AIMP1: variants seen among roughly 807,000 people sequenced by gnomAD.
AIMP1 encodes aminoacyl tRNA synthase complex-interacting multifunctional protein 1.
In AIMP1, 24 loss-of-function variants were observed where a neutral mutation model predicts 33.1. The ratio of observed to expected loss-of-function variants is 0.73; its 90% CI spans 0.53 to 1.02. AIMP1 has a LOEUF of 1.02. AIMP1 is among the 50% of genes least tolerant of loss of function. The pLI, the probability that AIMP1 is intolerant of heterozygous loss-of-function variation, is 0.00. For missense variants in AIMP1, 367 were observed against 364.8 expected (o/e 1.01, Z -0.05); for synonymous variants, 120 against 121.5 (o/e 0.99, Z 0.08).
chr4:106,342,948 A>G (rs1260705179), intron 6 of AIMP1, among the ~76,000 whole-genome samples: 1 of 140,702 alleles, frequency 7.1e-6, no homozygotes, highest in Non-Finnish European at 1.5e-5. Flanking sequence ...TCTGTAACCC[A>G]GGTTGGAGTG....
At chr4:106,336,592 C>T (rs1230430647) in intron 5 of AIMP1, among the ~76,000 whole-genome samples, 1 of 152,070 alleles carries the variant, frequency 6.6e-6, no homozygotes, top group Non-Finnish European at 1.5e-5. Flanking sequence ...AATTCAAAAC[C>T]AAGTCTGTTT....
At chr4:106,328,599 T>C (rs1769547375) in intron 4 of AIMP1, among the ~76,000 whole-genome samples, 1 of 152,168 alleles carries the variant, frequency 6.6e-6, no homozygotes, top group Non-Finnish European at 1.5e-5. Context: ...TTAGGACCAG[T>C]TGTGAAGATA....
upstream of AIMP1, chr4:106,316,342 G>C (rs1178010570): frequency 1.6e-5 from 9 of 579,590 alleles, no homozygotes; most frequent in East Asian, 1.5e-4. Context: ...GAGAGAGAAA[G>C]AGGTGCGGGG....
chr4:106,328,388 C>A, intron 4 of AIMP1, 145 bp downstream of exon 4: 2 of 1,100,296 alleles, frequency 1.8e-6, no homozygotes, highest in Non-Finnish European at 2.5e-6. Context: ...GATATTGGAA[C>A]ATAAAAGCTG....
chr4:106,342,403 A>G (rs1770130822), intron 6 of AIMP1, among the ~76,000 whole-genome samples: 1 of 152,064 alleles, frequency 6.6e-6, no homozygotes, highest in Non-Finnish European at 1.5e-5. Flanking sequence ...CCCATTAGGT[A>G]TTATGTTGGC....
chr4:106,326,384 A>G (rs569167299), intron 2 of AIMP1, among the ~76,000 whole-genome samples: 2 of 152,236 alleles, frequency 1.3e-5, no homozygotes, highest in African/African-American at 2.4e-5. Context: ...ACTGCAGGAC[A>G]TCTGACATTC....
chr4:106,330,172 A>G (rs1308442275), intron 4 of AIMP1, among the ~76,000 whole-genome samples: 1 of 152,224 alleles, frequency 6.6e-6, no homozygotes, highest in Non-Finnish European at 1.5e-5. Context: ...ATCTTGGTAT[A>G]GATTTTAATA....
chr4:106,336,352 A>T (rs925670373), intron 5 of AIMP1, among the ~76,000 whole-genome samples: 18 of 151,820 alleles, frequency 1.2e-4, no homozygotes, highest in African/African-American at 4.4e-4. Flanking sequence ...AATTTTTTTT[A>T]AATTAAAAAA....
intron 4 of AIMP1, 74 bp from the exon 5 acceptor site, chr4:106,331,598 T>C: frequency 7.7e-7 from 1 of 1,302,482 alleles, no homozygotes. Context: ...TTGGTATGGA[T>C]ACCATGGAGT....
chr4:106,316,556 T>C lies in AIMP1; in HGVS notation c.-64T>C, dbSNP rs1005190284. 16 of 1,551,520 alleles carry C rather than the reference T, an allele frequency of 1.0e-5. No individual in the cohort carries two copies. In the African/African-American group the frequency reaches 2.2e-4, roughly 21 times the overall value. On this transcript the variant is annotated 5_prime_UTR_variant, in exon 1 of 7. Coordinates refer to ENST00000672341, the MANE Select transcript of AIMP1 (RefSeq NM_001142416.2). ...CGGGTGGCTGGACCTACATGCTTCC[T>C]GCTGTGGCTGTCTCGGAACCCGTGG...
chr4:106,321,033 C>T (rs1435268330), intron 1 of AIMP1, among the ~76,000 whole-genome samples: 2 of 152,220 alleles, frequency 1.3e-5, no homozygotes, highest in African/African-American at 2.4e-5. Flanking sequence ...CAGACGGAGT[C>T]TCGCTCACTC....
chr4:106,326,731 T>C (rs1390688054), intron 2 of AIMP1, among the ~76,000 whole-genome samples: 1 of 152,062 alleles, frequency 6.6e-6, no homozygotes, highest in Non-Finnish European at 1.5e-5. Context: ...TTTAATATAA[T>C]GCTTCTCTTT....
intron 5 of AIMP1, among the ~76,000 whole-genome samples, chr4:106,333,471 A>G (rs1277800386): frequency 6.6e-6 from 1 of 152,206 alleles, no homozygotes; most frequent in Non-Finnish European, 1.5e-5. Flanking sequence ...CTTCCTACTT[A>G]ACAAGCTCAT....
rs887689318 is a variant in AIMP1, at chr4:106,347,606, G to T, written c.853G>T (p.Val285Leu). Residue 285 changes from valine (V) to leucine (L), a missense_variant, in exon 7 of 7, where the codon GTG becomes TTG. By Grantham distance (32) the Val-to-Leu change is conservative. Transcript: ENST00000672341. Reference protein sequence around the residue: ...QPDLHTNDECVATYKGVPFEV... With the variant: ...QPDLHTNDECLATYKGVPFEV... ...TGATCTTCACACTAATGATGAGTGT[G>T]TGGCTACATACAAAGGAGTTCCCTT... The T allele has an allele frequency of 1.4e-5, 23 of 1,613,384 alleles. No individual in the cohort carries two copies. Among genetic ancestry groups the T allele is most frequent in the Non-Finnish European group, 1.9e-5 (22 of 1,179,700 alleles).
At chr4:106,317,372 A>T (rs1189914914) in intron 1 of AIMP1, among the ~76,000 whole-genome samples, 1 of 152,188 alleles carries the variant, frequency 6.6e-6, no homozygotes, top group Non-Finnish European at 1.5e-5. Flanking sequence ...GGTCATGAAG[A>T]TCTTGAGGAC....
intron 1 of AIMP1, among the ~76,000 whole-genome samples, chr4:106,322,751 G>C (rs1006179693): frequency 6.6e-6 from 1 of 152,154 alleles, no homozygotes; most frequent in African/African-American, 2.4e-5. Context: ...TTGGGAAGCC[G>C]AGGTGGGCAG....
At chr4:106,347,123 C>T (rs570691675) in intron 6 of AIMP1, among the ~76,000 whole-genome samples, 1 of 152,210 alleles carries the variant, frequency 6.6e-6, no homozygotes, top group South Asian at 2.1e-4. Context: ...AAATCTGCCC[C>T]TATAATCCAA....
intron 6 of AIMP1, among the ~76,000 whole-genome samples, chr4:106,339,928 T>A (rs1035684032): frequency 1.3e-5 from 2 of 152,216 alleles, no homozygotes; most frequent in African/African-American, 4.8e-5. Flanking sequence ...TATTGCCTGT[T>A]TTCTCTAATA....
At chr4:106,325,470 TTTG>T (rs1380111952) in intron 2 of AIMP1, among the ~76,000 whole-genome samples, 2 of 151,774 alleles carry the variant, frequency 1.3e-5, no homozygotes. Flanking sequence ...AACATACCAC[TTTG>T]TTTCTTTTTT....
Sources: gnomAD v4.1 joint callset for allele counts (sites outside exome capture counted in the v4.1 genomes callset) on GRCh38, gnomAD v4.1.1 for gene constraint, MANE v1.5 for transcripts, NCBI Gene and HGNC (gene_info 2026-07-23, HGNC 2026-07-21) for gene names.